Variants in CPLANE1 observed in about 807,000 individuals in gnomAD.
The protein encoded by CPLANE1 is ciliogenesis and planar polarity effector 1.
In CPLANE1, 263 loss-of-function variants were observed where a neutral mutation model predicts 362.5. The observed-to-expected ratio is 0.73, with a 90% CI of 0.66 to 0.80. The LOEUF is 0.80. CPLANE1 is among the 30% of genes least tolerant of loss of function. The probability of loss-of-function intolerance (pLI) is 0.00; values close to 1 mark genes in which losing one functional copy is unlikely to be tolerated. For synonymous variants in CPLANE1, 1,212 were observed against 1,302.6 expected (o/e 0.93, Z 1.50); for missense variants, 3,461 against 3,793.4 (o/e 0.91, Z 2.30).
Position 37,247,702 on chromosome 5 carries a change from T to G in CPLANE1, c.-4A>C. 1 of 1,547,086 alleles carries G rather than the reference T, an allele frequency of 6.5e-7. No homozygotes were observed. The highest frequency in any genetic ancestry group is 8.7e-7 in the Non-Finnish European group (1 of 1,143,582). ...AGATTTCTAATCTTATCTCCATGTTTGTTAAGCTATCAATGACCAATTAAG... is the reference window on the plus strand; with the variant it reads ...AGATTTCTAATCTTATCTCCATGTTGGTTAAGCTATCAATGACCAATTAAG... On this transcript the variant is annotated 5_prime_UTR_variant, in exon 2 of 53. Coordinates refer to ENST00000651892, the MANE Select transcript of CPLANE1 (RefSeq NM_001384732.1).
chr5:37,118,776 C>T (rs529394358), intron 50 of CPLANE1, among the ~76,000 whole-genome samples: 82 of 150,344 alleles, frequency 5.5e-4, no homozygotes, highest in African/African-American at 1.9e-3. Context: ...TGCAGTGGTG[C>T]GATCTCAGCT....
rs757286237 is a variant in CPLANE1, at chr5:37,226,522, T to C, written c.2073A>G (p.Leu691=). The change falls in exon 12 of 53, where the codon TTA becomes TTG. Residue 691 remains leucine (L), a synonymous_variant. Transcript: ENST00000651892. ...TTAAATTGTCAGCTACCATTTTGAGTAAATAAAAACAAGCTAAAAGTTTCT... is the reference window on the plus strand; with the variant it reads ...TTAAATTGTCAGCTACCATTTTGAGCAAATAAAAACAAGCTAAAAGTTTCT... ...FSEKLLACFY[L]LKMVADNLNG... is the part of the protein sequence containing the mutation. 1.3e-6 allele frequency: 2 copies of C among 1,548,002 alleles called. No homozygotes were observed.
intron 21 of CPLANE1, 32 bp downstream of exon 21, chr5:37,195,826 T>C: frequency 6.3e-7 from 1 of 1,592,308 alleles, no homozygotes; most frequent in Non-Finnish European, 8.5e-7. Flanking sequence ...CCATCATTCA[T>C]ACTCTAAGCA....
At chr5:37,137,308 C>T (rs1768012601) in intron 46 of CPLANE1, among the ~76,000 whole-genome samples, 2 of 152,158 alleles carry the variant, frequency 1.3e-5, no homozygotes, top group South Asian at 4.1e-4. Flanking sequence ...CATCTGAGAC[C>T]ACCTCAGCCT....
chr5:37,206,900 G>A (rs982048368), intron 16 of CPLANE1, among the ~76,000 whole-genome samples: 3 of 151,452 alleles, frequency 2.0e-5, no homozygotes, highest in Non-Finnish European at 2.9e-5. Context: ...AATGTAGAAG[G>A]CAGAGACTAC....
At chr5:37,238,438 C>CTTGGTT (rs1225563302) in intron 8 of CPLANE1, among the ~76,000 whole-genome samples, 19 of 151,262 alleles carry the variant, frequency 1.3e-4, no homozygotes, top group Non-Finnish European at 1.5e-5. Flanking sequence ...CTACCTCAGC[C>CTTGGTT]TCCCAAAGTG....
At chr5:37,174,315 C>T (rs1039484528) in intron 31 of CPLANE1, among the ~76,000 whole-genome samples, 1 of 152,132 alleles carries the variant, frequency 6.6e-6, no homozygotes, top group African/African-American at 2.4e-5. Context: ...TGTAATTTGG[C>T]TTAGAAATAT....
In CPLANE1 at chr5:37,175,960, C is replaced by T; in HGVS notation, c.5927G>A (p.Gly1976Glu). Reference sequence around the variant, plus strand: ...TTGCATTGATTGAGGAGTGGTATGCCCAGGATGTGAAAAGGCTTCGATCAT... The same window carrying T: ...TTGCATTGATTGAGGAGTGGTATGCTCAGGATGTGAAAAGGCTTCGATCAT... The part of the protein sequence containing the change: ...KGMIEAFSHP[G>E]HTTPQSMQVD... Residue 1976 changes from glycine to glutamate, a missense_variant, in exon 31 of 53, where the codon GGG (glycine) becomes GAG (glutamate). Physicochemically the swap from Gly to Glu is moderately conservative, Grantham distance 98. This residue lies in a region of CPLANE1 where 3,380 missense variants were observed against 3,666.1 expected (regional missense o/e 0.92). Transcript: ENST00000651892. 2.5e-6 allele frequency: 4 copies of T among 1,612,900 alleles called. No individual in the cohort carries two copies. The highest frequency in any genetic ancestry group is 2.5e-6 in the Non-Finnish European group (3 of 1,179,410).
chr5:37,085,202 G>T, the CPLANE1 span: 1 of 842,778 alleles, frequency 1.2e-6, no homozygotes, highest in East Asian at 2.4e-5. Context: ...TTTTCCTAAG[G>T]AACAGACTTA....
At chr5:37,094,288 G>A in the CPLANE1 span, among the ~76,000 whole-genome samples, 1 of 148,912 alleles carries the variant, frequency 6.7e-6, no homozygotes, top group African/African-American at 2.6e-5. Context: ...TCCAAAAGGA[G>A]TCTTCAAAAC....
chr5:37,084,793 T>TA, the CPLANE1 span, among the ~76,000 whole-genome samples: 1,258 of 144,692 alleles, frequency 8.7e-3, 21 homozygotes, highest in African/African-American at 0.027. Flanking sequence ...TCTTTTTTTT[T>TA]AAAAAAAAAA....
At chr5:37,223,282 G>C (rs1795747566) in intron 14 of CPLANE1, among the ~76,000 whole-genome samples, 1 of 152,148 alleles carries the variant, frequency 6.6e-6, no homozygotes, top group Non-Finnish European at 1.5e-5. Flanking sequence ...TCAACTCCAA[G>C]AGGCTTTCCC....
In CPLANE1 at chr5:37,184,881, G is replaced by A. The variant is rs202103224; in HGVS notation, c.4388C>T (p.Thr1463Ile). 262 of 1,613,960 alleles carry A rather than the reference G, an allele frequency of 1.6e-4. No homozygotes were observed. Among genetic ancestry groups the A allele is most frequent in the Admixed American group, 1.3e-4 (8 of 59,988 alleles). ...GTGAACCACAGAATCTCCTAGTTCT[G>A]TGAGTGTACTTCTGCTCAAACTAGT... Reference protein sequence around the residue: ...LGTSLSRSTLTELGDSVVHSD... With the variant: ...LGTSLSRSTLIELGDSVVHSD... The change falls in exon 25 of 53, where the codon ACA (threonine) becomes ATA (isoleucine). Residue 1463 changes from threonine (T) to isoleucine (I), a missense_variant. Thr to Ile is a moderately conservative substitution (Grantham distance 89). Coordinates refer to ENST00000651892, the MANE Select transcript of CPLANE1 (RefSeq NM_001384732.1).
intron 15 of CPLANE1, among the ~76,000 whole-genome samples, chr5:37,218,693 A>G (rs1794698549): frequency 6.6e-6 from 1 of 152,196 alleles, no homozygotes; most frequent in South Asian, 2.1e-4. Flanking sequence ...CACGCTTGTA[A>G]TCCCAGCACT....
chr5:37,126,861 G>A (rs1764272010), intron 46 of CPLANE1, among the ~76,000 whole-genome samples: 1 of 152,006 alleles, frequency 6.6e-6, no homozygotes, highest in Non-Finnish European at 1.5e-5. Flanking sequence ...TAAAAGATGG[G>A]GACTTGAGAC....
rs1195598859 is a variant in CPLANE1, at chr5:37,184,155, AC to A, written c.4482-457del. Reference sequence around the variant, plus strand: ...ATACCATGTGTAATAAGCAAGACTGACCTTTTTTGTTTTACCACACAAAAAC... The same window carrying A: ...ATACCATGTGTAATAAGCAAGACTGACTTTTTTGTTTTACCACACAAAAAC... On this transcript the variant is annotated intron_variant, in intron 25 of 52. Coordinates refer to ENST00000651892, the MANE Select transcript of CPLANE1 (RefSeq NM_001384732.1). Among the ~76,000 whole-genome samples, 14 of 152,152 alleles carry A rather than the reference AC, an allele frequency of 9.2e-5. No homozygotes were observed. In the East Asian group the frequency reaches 2.7e-3, roughly 29 times the overall value.
At chr5:37,174,568 T>C (rs1780647818) in intron 31 of CPLANE1, among the ~76,000 whole-genome samples, 1 of 152,118 alleles carries the variant, frequency 6.6e-6, no homozygotes, top group African/African-American at 2.4e-5. Context: ...GTTTAGGTTT[T>C]TTTTTTAAAA....
At chr5:37,139,118 T>C (rs926785991) in intron 45 of CPLANE1, among the ~76,000 whole-genome samples, 2 of 152,170 alleles carry the variant, frequency 1.3e-5, no homozygotes, top group African/African-American at 4.8e-5. Flanking sequence ...TATAAGAAAA[T>C]GTAGTAAATA....
At chr5:37,113,574 G>T (rs1388789060) in intron 51 of CPLANE1, among the ~76,000 whole-genome samples, 1 of 152,136 alleles carries the variant, frequency 6.6e-6, no homozygotes, top group Non-Finnish European at 1.5e-5. Context: ...CGCATACATG[G>T]GGGAAAGAGT....
Sources: allele counts gnomAD v4.1 joint callset (sites outside exome capture counted in the v4.1 genomes callset), GRCh38; gene constraint gnomAD v4.1.1; regional missense constraint gnomAD v4.1.1; transcripts MANE v1.5; gene names NCBI Gene and HGNC (gene_info 2026-07-23, HGNC 2026-07-21).